Variants in CNTNAP2 observed in about 807,000 individuals in gnomAD.
The protein encoded by CNTNAP2 is contactin associated protein 2, also known as contactin-associated protein-like 2.
A neutral mutation model predicts 155.2 loss-of-function variants in CNTNAP2; 98 were observed. The observed-to-expected ratio is 0.63, with a 90% confidence interval of 0.54 to 0.75. CNTNAP2 has a LOEUF of 0.75. CNTNAP2 is among the 30% of genes least tolerant of loss of function. CNTNAP2 has a pLI of 0.00. For missense variants in CNTNAP2, 1,727 were observed against 1,688.1 expected (o/e 1.02, Z -0.40); for synonymous variants, 651 against 631.2 (o/e 1.03, Z -0.47).
chr7:148,328,044 A>C (rs1329835471), intron 21 of CNTNAP2, among the ~76,000 whole-genome samples: 1 of 152,232 alleles, frequency 6.6e-6, no homozygotes, highest in African/African-American at 2.4e-5. Flanking sequence ...TTCCATCAGC[A>C]TCTTATTCCA....
At chr7:148,303,873 G>A (rs1797440059) in intron 21 of CNTNAP2, among the ~76,000 whole-genome samples, 1 of 152,220 alleles carries the variant, frequency 6.6e-6, no homozygotes, top group African/African-American at 2.4e-5. Context: ...ACATTAGGAA[G>A]GAAAGTTGTC....
At chr7:148,115,638 A>C (rs1038582584) in intron 15 of CNTNAP2, among the ~76,000 whole-genome samples, 2 of 152,106 alleles carry the variant, frequency 1.3e-5, no homozygotes, top group Non-Finnish European at 2.9e-5. Context: ...GGTGCACCTG[A>C]ACGCCTCTTG....
intron 16 of CNTNAP2, among the ~76,000 whole-genome samples, chr7:148,146,744 A>G (rs897458599): frequency 1.1e-4 from 16 of 152,120 alleles, no homozygotes; most frequent in Non-Finnish European, 8.8e-5. Context: ...TACACCAACA[A>G]TAGGTCACCC....
chr7:146,296,559 G>A (rs761458146), intron 1 of CNTNAP2, among the ~76,000 whole-genome samples: 1 of 152,082 alleles, frequency 6.6e-6, no homozygotes, highest in Non-Finnish European at 1.5e-5. Context: ...TCAGGAGGTA[G>A]CATTTCTAAT....
At chr7:147,970,399 T>C (rs1801313101) in intron 14 of CNTNAP2, among the ~76,000 whole-genome samples, 1 of 152,098 alleles carries the variant, frequency 6.6e-6, no homozygotes, top group South Asian at 2.1e-4. Flanking sequence ...GTACAGTGTA[T>C]TTGAGGATGA....
intron 15 of CNTNAP2, among the ~76,000 whole-genome samples, chr7:148,054,251 C>T (rs919059019): frequency 6.6e-6 from 1 of 152,182 alleles, no homozygotes; most frequent in African/African-American, 2.4e-5. Flanking sequence ...GGATTACAGG[C>T]GTGAGCCACT....
chr7:147,945,950 C>A (rs915745523), intron 14 of CNTNAP2, among the ~76,000 whole-genome samples: 1 of 149,970 alleles, frequency 6.7e-6, no homozygotes, highest in Admixed American at 6.7e-5. Context: ...TCATGGCAAC[C>A]TCCGCCTCCC....
intron 1 of CNTNAP2, among the ~76,000 whole-genome samples, chr7:146,673,867 G>A (rs1800351032): frequency 1.3e-5 from 2 of 152,148 alleles, no homozygotes; most frequent in East Asian, 1.9e-4. Flanking sequence ...ATAGGCATGA[G>A]CCATTGCACC....
intron 1 of CNTNAP2, among the ~76,000 whole-genome samples, chr7:146,689,221 A>G (rs1031977636): frequency 1.3e-5 from 2 of 152,134 alleles, no homozygotes; most frequent in Non-Finnish European, 1.5e-5. Context: ...GCTAATCCTT[A>G]GTTTCTTCTC....
intron 10 of CNTNAP2, among the ~76,000 whole-genome samples, chr7:147,400,450 G>A (rs1051058763): frequency 6.6e-6 from 1 of 152,110 alleles, no homozygotes; most frequent in Non-Finnish European, 1.5e-5. Flanking sequence ...CAGGACACAT[G>A]GTTAGGAAGA....
chr7:147,736,747 C>A (rs187314014), intron 13 of CNTNAP2, among the ~76,000 whole-genome samples: 1 of 152,248 alleles, frequency 6.6e-6, no homozygotes, highest in East Asian at 1.9e-4. Flanking sequence ...CTCTAAACTT[C>A]TCTTCTTGCT....
chr7:147,448,484 G>A (rs5888257), intron 10 of CNTNAP2, among the ~76,000 whole-genome samples: 43,866 of 143,068 alleles, frequency 0.31, 6,864 homozygotes, highest in East Asian at 0.37. Flanking sequence ...GTGTGTGTGT[G>A]TATATATATA....
intron 15 of CNTNAP2, among the ~76,000 whole-genome samples, chr7:148,096,624 C>T (rs929658047): frequency 6.6e-6 from 1 of 152,070 alleles, no homozygotes; most frequent in Non-Finnish European, 1.5e-5. Flanking sequence ...GCAGGAGACA[C>T]ATTGGCAAGG....
At chr7:147,814,484 A>G (rs567266662) in intron 13 of CNTNAP2, among the ~76,000 whole-genome samples, 180 of 152,306 alleles carry the variant, frequency 1.2e-3, no homozygotes, top group Middle Eastern at 3.4e-3. Flanking sequence ...GCTTGGTTTA[A>G]TAATAGTCAT....
At chr7:146,585,143 T>TTTTC (rs1294062921) in intron 1 of CNTNAP2, among the ~76,000 whole-genome samples, 1 of 110,734 alleles carries the variant, frequency 9.0e-6, no homozygotes, top group Non-Finnish European at 2.0e-5. Context: ...GTTTTGTTTT[T>TTTTC]TCGGAGTCCC....
intron 15 of CNTNAP2, among the ~76,000 whole-genome samples, chr7:148,104,255 A>G (rs1804162063): frequency 6.6e-6 from 1 of 152,210 alleles, no homozygotes; most frequent in South Asian, 2.1e-4. Flanking sequence ...CTGTAATGAA[A>G]AGAGCACAAA....
At chr7:146,452,307 G>A (rs1318025336) in intron 1 of CNTNAP2, among the ~76,000 whole-genome samples, 1 of 151,952 alleles carries the variant, frequency 6.6e-6, no homozygotes, top group Non-Finnish European at 1.5e-5. Flanking sequence ...CATTAGTTGG[G>A]TTTAAAAAGC....
intron 14 of CNTNAP2, among the ~76,000 whole-genome samples, chr7:147,904,680 T>A (rs2710117): frequency 0.63 from 96,261 of 152,006 alleles, 30,644 homozygotes; most frequent in Middle Eastern, 0.75. Flanking sequence ...AGAACGTAAC[T>A]TTATATGAAT....
chr7:148,365,519 G>A (rs942239176), intron 21 of CNTNAP2, among the ~76,000 whole-genome samples: 2 of 151,942 alleles, frequency 1.3e-5, no homozygotes, highest in Non-Finnish European at 2.9e-5. Context: ...ACAAAAATTA[G>A]CCAGGCATGG....
Sources: allele counts gnomAD v4.1 joint callset (sites outside exome capture counted in the v4.1 genomes callset), GRCh38; gene constraint gnomAD v4.1.1; transcripts MANE v1.5; gene names NCBI Gene and HGNC (gene_info 2026-07-23, HGNC 2026-07-21).